KCNT1: variants seen among roughly 807,000 people sequenced by gnomAD.
The protein encoded by KCNT1 is potassium sodium-activated channel subfamily T member 1.
KCNT1 carries 78 observed loss-of-function variants against 147.8 expected under a neutral mutation model. The observed-to-expected ratio is 0.53, with a 90% CI of 0.44 to 0.64. The LOEUF is 0.64. Ranked by LOEUF, KCNT1 falls within the 30% of genes least tolerant of loss-of-function variation. The probability of loss-of-function intolerance (pLI) is 0.00; values close to 1 mark genes in which losing one functional copy is unlikely to be tolerated. For synonymous variants in KCNT1, 867 were observed against 748.8 expected (o/e 1.16, Z -2.58); for missense variants, 1,419 against 1,750.3 (o/e 0.81, Z 3.38).
chr9:135,732,024 A>AGAGAGAGAGAGAGGGAGAGAGG (rs1554766185), intron 2 of KCNT1, among the ~76,000 whole-genome samples: 1 of 65,084 alleles, frequency 1.5e-5, no homozygotes, highest in Admixed American at 1.6e-4. Flanking sequence ...AGAGAGAGAG[A>AGAGAGAGAGAGAGGGAGAGAGG]GAGAGAGAGA....
At chr9:135,751,214 C>T (rs1831143963) in intron 4 of KCNT1, among the ~76,000 whole-genome samples, 173 bp downstream of exon 4, 1 of 152,138 alleles carries the variant, frequency 6.6e-6, no homozygotes, top group South Asian at 2.1e-4. Context: ...GGACTCAGTG[C>T]CCAGGCTCCC....
rs1564304909 is a variant in KCNT1, at chr9:135,702,402, GC to G, written c.110+38del. On this transcript the variant is annotated intron_variant, in intron 1 of 30. Coordinates refer to ENST00000371757, the MANE Select transcript of KCNT1 (RefSeq NM_020822.3). ...TGCTGCGCCCTCCCCACGCGGGGAG[GC>G]CCCGGTCTAACCTAAGACCCCCAAG... 2.7e-6 allele frequency: 4 copies of G among 1,506,422 alleles called. No individual in the cohort carries two copies. The East Asian group carries it at 7.1e-5, about 27-fold the overall frequency. 93.3% of individuals were successfully genotyped at this position (1,506,422 alleles called of 1,614,324 possible).
At chr9:135,746,371 C>T (rs1241052753) in intron 2 of KCNT1, among the ~76,000 whole-genome samples, 1 of 152,178 alleles carries the variant, frequency 6.6e-6, no homozygotes, top group Non-Finnish European at 1.5e-5. Flanking sequence ...AAGGGGGGCT[C>T]AGTGCTCTTG....
intron 2 of KCNT1, among the ~76,000 whole-genome samples, chr9:135,744,986 G>A (rs778717388): frequency 5.9e-5 from 9 of 152,188 alleles, no homozygotes; most frequent in African/African-American, 1.7e-4. Context: ...CCCCTGTGGC[G>A]AGTGTGTGGC....
At chr9:135,744,905 G>A (rs954801558) in intron 2 of KCNT1, among the ~76,000 whole-genome samples, 5 of 152,228 alleles carry the variant, frequency 3.3e-5, no homozygotes, top group African/African-American at 4.8e-5. Context: ...CGTGGGCAGT[G>A]GCGGTCCCTG....
At chr9:135,773,052 T>C in intron 19 of KCNT1, 103 bp downstream of exon 19, 1 of 794,878 alleles carries the variant, frequency 1.3e-6, no homozygotes, top group Non-Finnish European at 1.9e-6. Context: ...TGCTCTGAAT[T>C]GCAGCTTCTG....
chr9:135,747,714 G>C (rs1830912904), intron 2 of KCNT1, among the ~76,000 whole-genome samples: 1 of 152,154 alleles, frequency 6.6e-6, no homozygotes, highest in Admixed American at 6.5e-5. Context: ...TGCAGGGCAT[G>C]ATGGGGCACT....
Position 135,793,662 on chromosome 9 carries a change from G to C in KCNT1, c.*1501G>C, listed in dbSNP as rs1164517822. Reference sequence around the variant, plus strand: ...TGTCAGGGCAGACAACACAGCAGCTGCTGGAGGGGCCGGCCCTGGCCACAC... The same window carrying C: ...TGTCAGGGCAGACAACACAGCAGCTCCTGGAGGGGCCGGCCCTGGCCACAC... On this transcript the variant is annotated 3_prime_UTR_variant, in exon 31 of 31. Transcript: ENST00000371757. 6.6e-6 allele frequency: 1 copy of C among 152,432 alleles called. No homozygotes were observed. Among genetic ancestry groups the C allele is most frequent in the Non-Finnish European group, 1.5e-5 (1 of 68,204 alleles). The allele number at this position is 152,432 out of a possible 1,614,324, so 9.4% of individuals were successfully genotyped here. A position where few individuals can be genotyped will look rare whatever the true frequency, so the allele number is the denominator to read the frequency against.
chr9:135,788,320 C>T (rs752720057), intron 29 of KCNT1, among the ~76,000 whole-genome samples: 4 of 152,370 alleles, frequency 2.6e-5, no homozygotes, highest in Non-Finnish European at 5.9e-5. Flanking sequence ...GGCAAGGCCT[C>T]GCATGCCGAC....
rs772378108 is a variant in KCNT1, at chr9:135,770,885, C to T, written c.1798C>T (p.Arg600Trp). 7 of 1,589,750 alleles carry T rather than the reference C, an allele frequency of 4.4e-6. No homozygotes were observed. Among genetic ancestry groups the T allele is most frequent in the South Asian group, 1.1e-5 (1 of 88,078 alleles). ...KYGVCLIGLK[R>W]EDNKSILLNP... is the part of the protein sequence containing the mutation. ...TGGCGTGTGCCTCATCGGGCTGAAGCGGGAGGACAACAAGAGCATCCTGCT... is the reference window on the plus strand; with the variant it reads ...TGGCGTGTGCCTCATCGGGCTGAAGTGGGAGGACAACAAGAGCATCCTGCT... The change falls in exon 18 of 31, where the codon CGG (arginine) becomes TGG (tryptophan). Residue 600 changes from arginine to tryptophan, a missense_variant. Around this residue, in one of 5 missense-constraint regions of KCNT1, gnomAD observed 284 missense variants for 292.8 expected, o/e 0.97. Coordinates refer to ENST00000371757, the MANE Select transcript of KCNT1 (RefSeq NM_020822.3).
At chr9:135,751,892 G>A (rs894774524) in intron 4 of KCNT1, among the ~76,000 whole-genome samples, 11 of 152,128 alleles carry the variant, frequency 7.2e-5, no homozygotes, top group African/African-American at 2.2e-4. Context: ...TTGTTCACTC[G>A]TCCACTTGTT....
At chr9:135,746,537 T>G (rs557647601) in intron 2 of KCNT1, among the ~76,000 whole-genome samples, 83 of 152,348 alleles carry the variant, frequency 5.4e-4, no homozygotes, top group African/African-American at 1.8e-3. Context: ...GGGTTGCATC[T>G]CTCTGTTTCC....
rs556230306 is a variant in KCNT1, at chr9:135,780,269, T to C, written c.2841+799T>C. Among the ~76,000 whole-genome samples, 8 of 152,278 alleles carry C rather than the reference T, an allele frequency of 5.3e-5. No homozygotes were observed. In the East Asian group the frequency reaches 1.5e-3, roughly 29 times the overall value. ...TGGTCAGCAGCAATGCTGTCTGCTC[T>C]ACACGAACCCCGAGCTCACCGGTCT... On this transcript the variant is annotated intron_variant, in intron 24 of 30. Coordinates refer to ENST00000371757, the MANE Select transcript of KCNT1 (RefSeq NM_020822.3).
intron 29 of KCNT1, 121 bp downstream of exon 29, chr9:135,786,642 C>T (rs1252084127): frequency 3.1e-6 from 3 of 980,966 alleles, no homozygotes; most frequent in Non-Finnish European, 4.3e-6. Flanking sequence ...TGTCATCTGT[C>T]TGTCTGTCAG....
intron 2 of KCNT1, among the ~76,000 whole-genome samples, chr9:135,733,824 T>C (rs1830227231): frequency 6.8e-6 from 1 of 146,678 alleles, no homozygotes; most frequent in South Asian, 2.3e-4. Context: ...CCACGAGATG[T>C]CACCTGGCAG....
chr9:135,706,783 T>C (rs140553337), intron 1 of KCNT1, among the ~76,000 whole-genome samples: 3 of 152,154 alleles, frequency 2.0e-5, no homozygotes, highest in Non-Finnish European at 4.4e-5. Flanking sequence ...CCAGTAGATT[T>C]TCCTGACCCC....
intron 2 of KCNT1, among the ~76,000 whole-genome samples, chr9:135,734,714 C>A (rs770532109): frequency 1.3e-5 from 2 of 152,194 alleles, no homozygotes; most frequent in African/African-American, 2.4e-5. Flanking sequence ...CGGGTGGGCG[C>A]GCGCGTTTGC....
intron 23 of KCNT1, 56 bp from the exon 24 acceptor site, chr9:135,779,303 C>T: frequency 8.9e-7 from 1 of 1,120,010 alleles, no homozygotes; most frequent in Non-Finnish European, 1.4e-6. Flanking sequence ...GGGCCCCCAC[C>T]CTGAGACCTC....
intron 2 of KCNT1, among the ~76,000 whole-genome samples, chr9:135,727,248 T>A (rs1197472041): frequency 3.7e-5 from 4 of 108,500 alleles, no homozygotes; most frequent in African/African-American, 1.5e-4. Flanking sequence ...TCTCCCCCTC[T>A]CTCTCTCCCT....
Sources: gnomAD v4.1 joint callset for allele counts (sites outside exome capture counted in the v4.1 genomes callset) on GRCh38, gnomAD v4.1.1 for gene constraint, gnomAD v4.1.1 regional missense constraint, MANE v1.5 for transcripts, NCBI Gene and HGNC (gene_info 2026-07-23, HGNC 2026-07-21) for gene names.